HDAC4: variants seen among roughly 807,000 people sequenced by gnomAD.
HDAC4 encodes histone deacetylase A.
Under a neutral mutation model 135.1 loss-of-function variants are expected in HDAC4, and 16 were observed. That is an observed-to-expected ratio of 0.12 (90% CI 0.08 to 0.18). The LOEUF (loss-of-function observed/expected upper bound fraction) is 0.18, where lower values mean the gene tolerates loss of function less well. Among genes scored for constraint, HDAC4 ranks in the 10% least tolerant of loss-of-function variants. The pLI, the probability that HDAC4 is intolerant of heterozygous loss-of-function variation, is 1.00. For synonymous variants in HDAC4, 685 were observed against 653.4 expected (o/e 1.05, Z -0.74); for missense variants, 1,143 against 1,511.8 (o/e 0.76, Z 4.05).
intron 2 of HDAC4, chr2:239,298,701 C>G: frequency 1.3e-6 from 1 of 780,870 alleles, no homozygotes; most frequent in Non-Finnish European, 1.6e-6. Context: ...GAAATCATGA[C>G]ACTCCACCTA....
chr2:239,256,413 A>G (rs2049054359), intron 2 of HDAC4, among the ~76,000 whole-genome samples: 1 of 152,256 alleles, frequency 6.6e-6, no homozygotes, highest in African/African-American at 2.4e-5. Flanking sequence ...ATTCAGAACA[A>G]CACATGGGGG....
chr2:239,145,823 T>A (rs147704217), intron 7 of HDAC4, among the ~76,000 whole-genome samples: 2 of 152,336 alleles, frequency 1.3e-5, no homozygotes, highest in East Asian at 3.9e-4. Context: ...GAAGCAGGAC[T>A]GATGTGGCTG....
intron 1 of HDAC4, among the ~76,000 whole-genome samples, chr2:239,367,245 T>G (rs1376506315): frequency 6.6e-6 from 1 of 152,156 alleles, no homozygotes; most frequent in Non-Finnish European, 1.5e-5. Flanking sequence ...ACAGTGGACA[T>G]GGACTGAACG....
At chr2:239,328,861 T>C (rs1271810573) in intron 2 of HDAC4, among the ~76,000 whole-genome samples, 5 of 152,222 alleles carry the variant, frequency 3.3e-5, no homozygotes, top group African/African-American at 7.2e-5. Context: ...GGTGTTTATG[T>C]CTGATCCAGA....
At chr2:239,092,845 GTTTC>G (rs1479125871) in intron 17 of HDAC4, among the ~76,000 whole-genome samples, 7 of 151,888 alleles carry the variant, frequency 4.6e-5, no homozygotes, top group East Asian at 1.9e-4. Context: ...TCTGTGTTTC[GTTTC>G]TTTTTTTTTT....
At chr2:239,190,729 T>G (rs2044884107) in intron 3 of HDAC4, among the ~76,000 whole-genome samples, 2 of 152,246 alleles carry the variant, frequency 1.3e-5, no homozygotes, top group South Asian at 4.1e-4. Context: ...CATGCGTTTC[T>G]GCACCTCGCG....
At chr2:239,089,978 G>T in intron 18 of HDAC4, 31 bp downstream of exon 18, 1 of 1,495,186 alleles carries the variant, frequency 6.7e-7, no homozygotes, top group Non-Finnish European at 9.3e-7. Context: ...AGGCCTCCTG[G>T]AGGGCCACCA....
At chr2:239,351,315 G>GCA (rs1342297590) in intron 2 of HDAC4, among the ~76,000 whole-genome samples, 1 of 152,176 alleles carries the variant, frequency 6.6e-6, no homozygotes, top group Non-Finnish European at 1.5e-5. Flanking sequence ...AGTTATATTT[G>GCA]CACACATACT....
chr2:239,354,879 A>C (rs1478188103), intron 1 of HDAC4, among the ~76,000 whole-genome samples: 1 of 152,170 alleles, frequency 6.6e-6, no homozygotes, highest in African/African-American at 2.4e-5. Context: ...CTCAGATGAC[A>C]GTATCCTTCA....
At chr2:239,393,119 G>A (rs557040472) in intron 1 of HDAC4, among the ~76,000 whole-genome samples, 8 of 152,258 alleles carry the variant, frequency 5.3e-5, no homozygotes, top group East Asian at 1.9e-4. Flanking sequence ...TGGGACCCCC[G>A]GCGTGTGAGC....
intron 3 of HDAC4, among the ~76,000 whole-genome samples, chr2:239,229,703 A>C (rs149562650): frequency 6.6e-6 from 1 of 152,354 alleles, no homozygotes; most frequent in East Asian, 1.9e-4. Context: ...TCCTAGGCAG[A>C]CTGAAAGGTT....
chr2:239,296,581 G>C (rs2051907350), intron 2 of HDAC4, among the ~76,000 whole-genome samples: 1 of 152,198 alleles, frequency 6.6e-6, no homozygotes, highest in Non-Finnish European at 1.5e-5. Context: ...AAGAGAAACT[G>C]CGCTGTTTTC....
Position 239,139,532 on chromosome 2 carries a change from C to A in HDAC4, c.978+152G>T. 2 of 757,402 alleles carry A rather than the reference C, an allele frequency of 2.6e-6. No individual in the cohort carries two copies. Among genetic ancestry groups the A allele is most frequent in the East Asian group, 2.5e-5 (1 of 40,074 alleles). 46.9% of individuals were successfully genotyped at this position (757,402 alleles called of 1,614,324 possible). A position where few individuals can be genotyped will look rare whatever the true frequency, so the allele number is the denominator to read the frequency against. On this transcript the variant is annotated intron_variant, in intron 9 of 26. Coordinates refer to ENST00000543185, the MANE Select transcript of HDAC4 (RefSeq NM_001378414.1). The surrounding 1 kb of genome is among the most constrained non-coding windows in gnomAD (Gnocchi z 5.3). ...AAGGCAGGAGAGTAACCTCCAACTG[C>A]GTCCTTTTTAGGATGGCTCACAGGC...
At chr2:239,375,918 A>G (rs1575773961) in intron 1 of HDAC4, among the ~76,000 whole-genome samples, 1 of 152,052 alleles carries the variant, frequency 6.6e-6, no homozygotes, top group South Asian at 2.1e-4. Flanking sequence ...CAGTCACCCC[A>G]CCCGACTGCG....
chr2:239,228,802 A>AC (rs1382354080), intron 3 of HDAC4, among the ~76,000 whole-genome samples: 1 of 152,156 alleles, frequency 6.6e-6, no homozygotes, highest in Non-Finnish European at 1.5e-5. Flanking sequence ...CAAGGTAGTG[A>AC]CCAAGCAGGA....
intron 2 of HDAC4, among the ~76,000 whole-genome samples, chr2:239,316,341 G>A (rs1462179066): frequency 2.6e-5 from 4 of 152,152 alleles, no homozygotes; most frequent in Admixed American, 6.6e-5. Flanking sequence ...ACTCTCACCT[G>A]TAAATCCCAG....
chr2:239,247,048 G>A (rs994137472), intron 2 of HDAC4, among the ~76,000 whole-genome samples: 5 of 152,254 alleles, frequency 3.3e-5, no homozygotes, highest in Non-Finnish European at 7.3e-5. Flanking sequence ...CACAGCTAAT[G>A]TAAAATAGTT....
At chr2:239,265,981 C>T (rs942084431) in intron 2 of HDAC4, among the ~76,000 whole-genome samples, 4 of 152,270 alleles carry the variant, frequency 2.6e-5, no homozygotes, top group Admixed American at 2.0e-4. Flanking sequence ...ATACACCAAC[C>T]GTATGGCAGG....
chr2:239,196,890 G>A (rs550241222), intron 3 of HDAC4, among the ~76,000 whole-genome samples: 1 of 152,214 alleles, frequency 6.6e-6, no homozygotes, highest in Non-Finnish European at 1.5e-5. Context: ...GCATCCTCAG[G>A]TTTAGGCAGC....
Sources: gnomAD v4.1 joint callset for allele counts (sites outside exome capture counted in the v4.1 genomes callset) on GRCh38, gnomAD v4.1.1 for gene constraint, Gnocchi (gnomAD v3.1) non-coding constraint, MANE v1.5 for transcripts, NCBI Gene and HGNC (gene_info 2026-07-23, HGNC 2026-07-21) for gene names.